The following FBN3 variants were observed in gnomAD, a reference collection of about 807,000 sequenced individuals.
FBN3 encodes the protein fibrillin-3.
A neutral mutation model predicts 330.1 loss-of-function variants in FBN3; 234 were observed. The observed-to-expected ratio is 0.71, with a 90% CI of 0.64 to 0.79. FBN3 has a LOEUF of 0.79. Among genes scored for constraint, FBN3 ranks in the 30% least tolerant of loss-of-function variants. FBN3 has a pLI of 0.00. For missense variants in FBN3, 3,606 were observed against 3,886.9 expected (o/e 0.93, Z 1.92); for synonymous variants, 1,458 against 1,517.3 (o/e 0.96, Z 0.91).
chr19:8,138,170 G>A lies in FBN3; in HGVS notation c.1172C>T (p.Pro391Leu). ...ATTAGAGTTGCCAGGGCCCAGGCTG[G>A]GGATCCCACGCGCATCAGAGCCATG... is the stretch of plus-strand genomic sequence containing the variant. Reference protein sequence around the residue: ...NPHGSDARGIPSLGPGNSNIG... With the variant: ...NPHGSDARGILSLGPGNSNIG... The change falls in exon 10 of 64, where the codon CCC (proline) becomes CTC (leucine). Residue 391 changes from proline (P) to leucine (L), a missense_variant. Transcript: ENST00000600128. The A allele has an allele frequency of 6.2e-7, 1 of 1,612,298 alleles. No homozygotes were observed. Among genetic ancestry groups the A allele is most frequent in the East Asian group, 2.2e-5 (1 of 44,868 alleles).
At chr19:8,124,139 G>C in intron 22 of FBN3, 131 bp from the exon 23 acceptor site, 1 of 734,024 alleles carries the variant, frequency 1.4e-6, no homozygotes, top group Non-Finnish European at 2.4e-6. Flanking sequence ...AGAGTGGAAA[G>C]GGGTGACTTC....
chr19:8,089,454 C>T (rs2144684935), intron 51 of FBN3, 91 bp downstream of exon 51: 17 of 1,467,372 alleles, frequency 1.2e-5, no homozygotes, highest in Non-Finnish European at 1.5e-5. Flanking sequence ...GGATCTCACC[C>T]ACTGCCTGGG....
chr19:8,126,985 G>T (rs1568434624), intron 18 of FBN3, among the ~76,000 whole-genome samples, 153 bp from the exon 19 acceptor site: 1 of 152,028 alleles, frequency 6.6e-6, no homozygotes, highest in Non-Finnish European at 1.5e-5. Context: ...AAATGTGCAT[G>T]CAAGCACATG....
intron 59 of FBN3, among the ~76,000 whole-genome samples, chr19:8,077,405 G>A (rs547308829): frequency 2.0e-5 from 3 of 152,116 alleles, no homozygotes; most frequent in Admixed American, 1.3e-4. Flanking sequence ...TTGGGAGGCC[G>A]AGGCGGGCAG....
At chr19:8,088,022 C>T (rs754149666) in intron 52 of FBN3, 38 bp downstream of exon 52, 41 of 1,613,964 alleles carry the variant, frequency 2.5e-5, no homozygotes, top group Admixed American at 5.0e-5. Context: ...CAGGCATCTC[C>T]GTCACACGGC....
At chr19:8,119,179 G>C (rs1012188653) in intron 25 of FBN3, among the ~76,000 whole-genome samples, 157 bp from the exon 26 acceptor site, 1 of 152,208 alleles carries the variant, frequency 6.6e-6, no homozygotes, top group Non-Finnish European at 1.5e-5. Flanking sequence ...GATGACCCAG[G>C]GGAGTGGGGT....
intron 26 of FBN3, among the ~76,000 whole-genome samples, chr19:8,118,550 T>C (rs1204598018): frequency 6.6e-6 from 1 of 151,566 alleles, no homozygotes; most frequent in Non-Finnish European, 1.5e-5. Flanking sequence ...TCAAACCCTC[T>C]TGTGTGTTCA....
At chr19:8,070,498 G>A (rs1485998673) in intron 63 of FBN3, among the ~76,000 whole-genome samples, 1 of 152,136 alleles carries the variant, frequency 6.6e-6, no homozygotes, top group Admixed American at 6.6e-5. Context: ...GTGAGTTTGG[G>A]GTAATGGTTT....
chr19:8,097,905 C>A (rs1319943185), intron 41 of FBN3, among the ~76,000 whole-genome samples: 1 of 152,172 alleles, frequency 6.6e-6, no homozygotes, highest in Non-Finnish European at 1.5e-5. Flanking sequence ...TATTGCATGA[C>A]TCCATTTAAA....
In FBN3 at chr19:8,133,069, G is replaced by C; in HGVS notation, c.1629C>G (p.Asn543Lys). ...NECATSTMCV[N>K]GVCLNEDGSF... ...TGCCATCCTCGTTGAGACACACGCCGTTGACGCACATGGTGCTGGTGGCAC... is the reference window on the plus strand; with the variant it reads ...TGCCATCCTCGTTGAGACACACGCCCTTGACGCACATGGTGCTGGTGGCAC... The change falls in exon 14 of 64, where the codon AAC (asparagine) becomes AAG (lysine). Residue 543 changes from asparagine to lysine, a missense_variant. Transcript: ENST00000600128. The C allele has an allele frequency of 6.3e-7, 1 of 1,585,622 alleles. No individual in the cohort carries two copies. The highest frequency in any genetic ancestry group is 8.6e-7 in the Non-Finnish European group (1 of 1,167,180).
intron 18 of FBN3, among the ~76,000 whole-genome samples, chr19:8,128,121 C>T (rs115481995): frequency 1.4e-4 from 22 of 152,336 alleles, no homozygotes; most frequent in African/African-American, 5.3e-4. Context: ...CTCGGCATGC[C>T]GCCCTGCCAG....
chr19:8,147,422 C>G lies in FBN3; in HGVS notation c.59G>C (p.Trp20Ser), dbSNP rs1388003429. The change falls in exon 2 of 64, where the codon TGG becomes TCG. Residue 20 changes from tryptophan to serine, a missense_variant. Trp to Ser is a radical substitution (Grantham distance 177, BLOSUM62 -3). Transcript: ENST00000600128. ...ACCTGCCATGCACAACAGGGCCGAC[C>G]AGGCCAGCAGGAGCCGGGCCAGGGG... is the stretch of plus-strand genomic sequence containing the variant. ...RGPLARLLLA[W>S]SALLCMAGGQ... 1.3e-6 allele frequency: 2 copies of G among 1,586,356 alleles called. No homozygotes were observed. Among genetic ancestry groups the G allele is most frequent in the Non-Finnish European group, 1.7e-6 (2 of 1,168,324 alleles).
At chr19:8,114,081 G>A (rs941761898) in intron 30 of FBN3, among the ~76,000 whole-genome samples, 1 of 151,898 alleles carries the variant, frequency 6.6e-6, no homozygotes, top group Non-Finnish European at 1.5e-5. Flanking sequence ...TGAAGATGGA[G>A]ACAGAGACTG....
At chr19:8,086,002 T>TGG (rs1478620115) in intron 55 of FBN3, among the ~76,000 whole-genome samples, 198 bp downstream of exon 55, 2 of 65,492 alleles carry the variant, frequency 3.1e-5, no homozygotes, top group Admixed American at 1.4e-4. Flanking sequence ...GGACAGGCAG[T>TGG]GGGGGGACAG....
At chr19:8,079,954 T>C (rs961688975) in intron 59 of FBN3, among the ~76,000 whole-genome samples, 5 of 151,980 alleles carry the variant, frequency 3.3e-5, no homozygotes, top group African/African-American at 1.2e-4. Flanking sequence ...GAAGGAAAGT[T>C]CCATGATGGA....
chr19:8,116,773 G>T lies in FBN3; in HGVS notation c.3613C>A (p.Arg1205Ser). 6.2e-7 allele frequency: 1 copy of T among 1,614,022 alleles called. No individual in the cohort carries two copies. Among genetic ancestry groups the T allele is most frequent in the Non-Finnish European group, 8.5e-7 (1 of 1,179,968 alleles). ...ADVDECEENPRVCDQGHCTNM... is the reference protein window; with the variant it reads ...ADVDECEENPSVCDQGHCTNM... Reference sequence around the variant, plus strand: ...GTGCAGTGGCCTTGGTCACAAACGCGGGGGTTCTCTTCACACTCGTCCACG... The same window carrying T: ...GTGCAGTGGCCTTGGTCACAAACGCTGGGGTTCTCTTCACACTCGTCCACG... Residue 1205 changes from arginine (R) to serine (S), a missense_variant, in exon 29 of 64, where the codon CGC becomes AGC. Physicochemically the swap from Arg to Ser is moderately radical, Grantham distance 110. Transcript: ENST00000600128.
intron 57 of FBN3, 80 bp from the exon 58 acceptor site, chr19:8,081,560 A>G: frequency 7.0e-7 from 1 of 1,426,002 alleles, no homozygotes; most frequent in Non-Finnish European, 9.4e-7. Flanking sequence ...GGTCTCCACC[A>G]GACCCCGACC....
chr19:8,141,764 C>T lies in FBN3; in HGVS notation c.818G>A (p.Arg273His), dbSNP rs775495075. 9 of 1,614,006 alleles carry T rather than the reference C, an allele frequency of 5.6e-6. No homozygotes were observed. Among genetic ancestry groups the T allele is most frequent in the Admixed American group, 5.0e-5 (3 of 60,004 alleles). Residue 273 changes from arginine (R) to histidine (H), a missense_variant, in exon 8 of 64, where the codon CGC (arginine) becomes CAC (histidine). Arg to His is a conservative substitution (Grantham distance 29, BLOSUM62 0). Coordinates refer to ENST00000600128, the MANE Select transcript of FBN3 (RefSeq NM_032447.5). ...ACTGAGCCGGTGTCCAACTGGACAG[C>T]GGCAATGGAAGGAGCCCACCATGTT... ...CVNMVGSFHC[R>H]CPVGHRLSDS... is the part of the protein sequence containing the mutation.
chr19:8,133,603 A>AG (rs2144984974), intron 13 of FBN3, among the ~76,000 whole-genome samples: 1 of 152,142 alleles, frequency 6.6e-6, no homozygotes, highest in East Asian at 2.0e-4. Flanking sequence ...GGCATGTACC[A>AG]CCACGCCCGG....
Sources: allele counts gnomAD v4.1 joint callset (sites outside exome capture counted in the v4.1 genomes callset), GRCh38; gene constraint gnomAD v4.1.1; transcripts MANE v1.5; gene names NCBI Gene and HGNC (gene_info 2026-07-23, HGNC 2026-07-21).